Variants in AFG2A observed in about 807,000 individuals in gnomAD.
AFG2A encodes AAA ATPase AFG2A.
At chr4:122,929,318 G>C in the AFG2A span, 1 of 1,127,922 alleles carries the variant, frequency 8.9e-7, no homozygotes, top group Non-Finnish European at 1.2e-6. Flanking sequence ...AAAGTAGAGA[G>C]AAACAGGTAC....
the AFG2A span, among the ~76,000 whole-genome samples, chr4:123,020,557 C>T: frequency 1.1e-4 from 16 of 151,642 alleles, no homozygotes; most frequent in Admixed American, 6.6e-4. Context: ...TTAGTAGAGG[C>T]GGGGTTTCAC....
chr4:123,011,200 G>A, the AFG2A span, among the ~76,000 whole-genome samples: 1 of 152,170 alleles, frequency 6.6e-6, no homozygotes, highest in East Asian at 1.9e-4. Context: ...TTTAAAGTTT[G>A]CTTATATGAG....
the AFG2A span, among the ~76,000 whole-genome samples, chr4:122,930,951 A>AAAAATCTT: frequency 2.8e-5 from 1 of 36,118 alleles, no homozygotes. Flanking sequence ...TTATGTTTTA[A>AAAAATCTT]ATGTGGCAGC....
the AFG2A span, among the ~76,000 whole-genome samples, chr4:123,118,210 C>T: frequency 6.8e-6 from 1 of 147,890 alleles, no homozygotes; most frequent in East Asian, 2.0e-4. Context: ...TTCCACCTTA[C>T]TTTTATTAGT....
At chr4:123,184,613 T>C in the AFG2A span, among the ~76,000 whole-genome samples, 1 of 138,620 alleles carries the variant, frequency 7.2e-6, no homozygotes, top group Admixed American at 7.6e-5. Flanking sequence ...CTCGGCTCAC[T>C]GCAAGCTCCG....
At chr4:123,196,300 C>T in the AFG2A span, among the ~76,000 whole-genome samples, 9 of 151,254 alleles carry the variant, frequency 6.0e-5, no homozygotes, top group East Asian at 2.0e-4. Flanking sequence ...TGAGCCACCG[C>T]GCCCGGCCAC....
At chr4:122,998,240 T>A in the AFG2A span, among the ~76,000 whole-genome samples, 2 of 152,142 alleles carry the variant, frequency 1.3e-5, no homozygotes, top group Non-Finnish European at 2.9e-5. Flanking sequence ...GGCTTTAAGG[T>A]TTACTCTGTT....
At chr4:123,088,858 T>A in the AFG2A span, among the ~76,000 whole-genome samples, 1 of 152,222 alleles carries the variant, frequency 6.6e-6, no homozygotes, top group Non-Finnish European at 1.5e-5. Context: ...GTACTCTTCA[T>A]AAATTACCCA....
At chr4:123,219,062 A>G in the AFG2A span, among the ~76,000 whole-genome samples, 2 of 152,226 alleles carry the variant, frequency 1.3e-5, no homozygotes, top group Non-Finnish European at 2.9e-5. Flanking sequence ...GCTATCTACA[A>G]GCTGGGGGAA....
At chr4:123,175,206 A>G in the AFG2A span, among the ~76,000 whole-genome samples, 3 of 152,202 alleles carry the variant, frequency 2.0e-5, no homozygotes, top group African/African-American at 7.2e-5. Context: ...ATTAAAGAGT[A>G]AAAAAATTAA....
chr4:123,148,131 A>G, the AFG2A span, among the ~76,000 whole-genome samples: 1 of 152,208 alleles, frequency 6.6e-6, no homozygotes, highest in Non-Finnish European at 1.5e-5. Flanking sequence ...AGTTGATGTA[A>G]AGGTCTTATT....
At chr4:123,040,978 G>T in the AFG2A span, among the ~76,000 whole-genome samples, 2 of 151,864 alleles carry the variant, frequency 1.3e-5, no homozygotes, top group Non-Finnish European at 1.5e-5. Context: ...TTTACTTATG[G>T]ATACATAATC....
chr4:123,304,763 G>C, the AFG2A span, among the ~76,000 whole-genome samples: 7 of 152,280 alleles, frequency 4.6e-5, no homozygotes, highest in South Asian at 2.1e-4. Context: ...CAGAACAGCG[G>C]GGGCAGCAGC....
chr4:122,971,452 CTT>C, the AFG2A span, among the ~76,000 whole-genome samples: 1 of 152,114 alleles, frequency 6.6e-6, no homozygotes, highest in Non-Finnish European at 1.5e-5. Flanking sequence ...TATGTAAGTT[CTT>C]TTGAGTTTTT....
chr4:123,207,711 A>T, the AFG2A span, among the ~76,000 whole-genome samples: 2 of 152,242 alleles, frequency 1.3e-5, no homozygotes, highest in African/African-American at 4.8e-5. Flanking sequence ...TAGAATACAT[A>T]GCAGTAAATT....
chr4:122,982,405 A>C, the AFG2A span, among the ~76,000 whole-genome samples: 1 of 152,124 alleles, frequency 6.6e-6, no homozygotes, highest in East Asian at 1.9e-4. Flanking sequence ...GTTTGCAAAT[A>C]TTTTGTTGAG....
At chr4:123,004,263 A>G in the AFG2A span, among the ~76,000 whole-genome samples, 12 of 152,306 alleles carry the variant, frequency 7.9e-5, no homozygotes, top group Admixed American at 2.0e-4. Flanking sequence ...GCGCTTCCCG[A>G]GTGAGGAAAT....
chr4:123,292,049 A>C, the AFG2A span, among the ~76,000 whole-genome samples: 1 of 151,856 alleles, frequency 6.6e-6, no homozygotes, highest in African/African-American at 2.4e-5. Context: ...TTTCTTGGAG[A>C]CTTTGTTCAT....
At chr4:123,291,377 G>C in the AFG2A span, among the ~76,000 whole-genome samples, 2 of 152,056 alleles carry the variant, frequency 1.3e-5, no homozygotes, top group African/African-American at 4.8e-5. Context: ...TTGTTATCTA[G>C]TTGTTTTGTT....
Sources: gnomAD v4.1 joint callset for allele counts (sites outside exome capture counted in the v4.1 genomes callset) on GRCh38, gnomAD v4.1.1 for gene constraint, MANE v1.5 for transcripts, NCBI Gene and HGNC (gene_info 2026-07-23, HGNC 2026-07-21) for gene names.